GPR153: variants seen among roughly 807,000 people sequenced by gnomAD.
The protein encoded by GPR153 is probable G protein-coupled receptor 153.
GPR153 carries 27 observed loss-of-function variants against 34.1 expected under a neutral mutation model. The observed-to-expected ratio is 0.79, with a 90% confidence interval of 0.58 to 1.09. GPR153 has a LOEUF of 1.09. GPR153 is among the 50% of genes least tolerant of loss of function. GPR153 has a pLI of 0.00. For synonymous variants in GPR153, 408 were observed against 405.4 expected, an observed-to-expected ratio of 1.01 and a Z score of -0.08; for missense variants, 848 against 860.2, an observed-to-expected ratio of 0.99 and a Z score of 0.18.
chr1:6,249,588 G>A lies in GPR153; in HGVS notation c.1580C>T (p.Ala527Val), dbSNP rs1305131648. 6 of 1,161,846 alleles carry A rather than the reference G, an allele frequency of 5.2e-6. No homozygotes were observed. In the Admixed American group the frequency reaches 1.4e-4, roughly 27 times the overall value. The allele number at this position is 1,161,846 out of a possible 1,614,324, so 72.0% of individuals were successfully genotyped here. A position where few individuals can be genotyped will look rare whatever the true frequency, so the allele number is the denominator to read the frequency against. ...TCCGGGATCTGCGCCGTCGGGGGCG[G>A]CGGGCGCAGCGGGGAAGGGCCCGGG... ...RPPGPFPAAP[A>V]APDGADPGEA... The change falls in exon 6 of 6, where the codon GCC becomes GTC. Residue 527 changes from alanine (A) to valine (V), a missense_variant. Physicochemically the swap from Ala to Val is moderately conservative, Grantham distance 64 (BLOSUM62 0). Transcript: ENST00000377893. The surrounding 1 kb of genome is among the most constrained non-coding windows in gnomAD (Gnocchi z 4.3).
In GPR153 at chr1:6,260,382, C is replaced by CG. The variant is rs1283070888; in HGVS notation, c.-110+442_-110+443insC. ...CAACCCCCTGGGGCTCCGATCCCCC[C>CG]CCCCCCCCGCAATCCCCGCTCCGAC... On this transcript the variant is annotated intron_variant, in intron 1 of 5. Transcript: ENST00000377893. 5.0e-4 allele frequency among the ~76,000 whole-genome samples: 28 copies of CG among 55,706 alleles called. 4 individuals are homozygous for CG. Among genetic ancestry groups the CG allele is most frequent in the African/African-American group, 1.7e-3 (22 of 12,656 alleles). The allele number at this position is 55,706 out of a possible 152,430, so 36.5% of individuals were successfully genotyped here.
chr1:6,256,261 A>T (rs933656554), intron 1 of GPR153, among the ~76,000 whole-genome samples: 4 of 152,198 alleles, frequency 2.6e-5, no homozygotes, highest in Non-Finnish European at 5.9e-5. Context: ...TTTGAAGCAC[A>T]GACCAGGCCT....
chr1:6,248,333 G>C lies in GPR153; in HGVS notation c.*1005C>G, dbSNP rs1284361769. On this transcript the variant is annotated 3_prime_UTR_variant, in exon 6 of 6. Coordinates refer to ENST00000377893, the MANE Select transcript of GPR153 (RefSeq NM_207370.4). ...TTCCTGGCCAGGCCTGCACGGGTGG[G>C]GAGTGAGGCTGGGGATGACGCAGGG... 1 of 152,328 alleles carries C rather than the reference G, an allele frequency of 6.6e-6. No individual in the cohort carries two copies. The highest frequency in any genetic ancestry group is 1.5e-5 in the Non-Finnish European group (1 of 68,146). 9.4% of individuals were successfully genotyped at this position (152,328 alleles called of 1,614,324 possible).
At chr1:6,254,465 C>A (rs1055030618) in intron 2 of GPR153, 85 bp downstream of exon 2, 29 of 1,248,600 alleles carry the variant, frequency 2.3e-5, no homozygotes, top group Non-Finnish European at 3.1e-5. Context: ...TGTGGCCACT[C>A]CTGTGTGCGC....
rs1883608 is a variant in GPR153, at chr1:6,249,259, C to G, written c.*79G>C. ...GGGTGGCGCATGTCTGCGCGCGGGG[C>G]GGAGGCGGGCGTCTTTGGTGCTGCG... On this transcript the variant is annotated 3_prime_UTR_variant, in exon 6 of 6. Transcript: ENST00000377893. The surrounding 1 kb of genome is among the most constrained non-coding windows in gnomAD (Gnocchi z 4.3). The G allele has an allele frequency of 0.65, 680,522 of 1,041,504 alleles. 227,055 individuals carry two copies. Among genetic ancestry groups the G allele is most frequent in the Admixed American group, 0.72 (16,590 of 23,054 alleles). The allele number at this position is 1,041,504 out of a possible 1,614,324, so 64.5% of individuals were successfully genotyped here.
intron 1 of GPR153, among the ~76,000 whole-genome samples, chr1:6,256,418 T>G (rs1309279785): frequency 1.3e-5 from 2 of 151,172 alleles, no homozygotes; most frequent in Non-Finnish European, 1.5e-5. Flanking sequence ...TCGCCCAGGC[T>G]GGAGTGCAGT....
In GPR153 at chr1:6,254,140, T is replaced by C. The variant is rs778721018; in HGVS notation, c.364A>G (p.Asn122Asp). The C allele has an allele frequency of 3.1e-6, 5 of 1,606,096 alleles. No homozygotes were observed. Among genetic ancestry groups the C allele is most frequent in the Non-Finnish European group, 4.3e-6 (5 of 1,174,106 alleles). Reference sequence around the variant, plus strand: ...GTGTGCACCGCCTGCTTCTTGGCATTGCTCAGCCTGGCATGAGGCAGGGTG... The same window carrying C: ...GTGTGCACCGCCTGCTTCTTGGCATCGCTCAGCCTGGCATGAGGCAGGGTG... ...VCWPVNYRLS[N>D]AKKQAVHTVM... Residue 122 changes from asparagine to aspartate, a missense_variant, in exon 3 of 6, where the codon AAT (asparagine) becomes GAT (aspartate). By Grantham distance (23) the Asn-to-Asp change is conservative. Coordinates refer to ENST00000377893, the MANE Select transcript of GPR153 (RefSeq NM_207370.4).
At position 6,249,903 on chromosome 1, in the gene GPR153, GC is replaced by G; in HGVS notation, c.1264del (p.Ala422ProfsTer84). On this transcript the variant is annotated frameshift_variant, in exon 6 of 6. Coordinates refer to ENST00000377893, the MANE Select transcript of GPR153 (RefSeq NM_207370.4). LOFTEE classifies it low-confidence loss of function (END_TRUNC). The surrounding 1 kb of genome is among the most constrained non-coding windows in gnomAD (Gnocchi z 4.3). ...AGGCAGCACCAGGTGCGCCAGGGCGGCCAGGTCCTCGCCGGAGCCCCAGCGC... is the reference window on the plus strand; with the variant it reads ...AGGCAGCACCAGGTGCGCCAGGGCGGCAGGTCCTCGCCGGAGCCCCAGCGC... The part of the protein sequence containing the change: ...LPRWGSGEDL[A>X]ALAHLVLPAG... The G allele has an allele frequency of 7.7e-7, 1 of 1,293,618 alleles. No homozygotes were observed. The highest frequency in any genetic ancestry group is 9.8e-7 in the Non-Finnish European group (1 of 1,017,230). 80.1% of individuals were successfully genotyped at this position (1,293,618 alleles called of 1,614,324 possible). A position where few individuals can be genotyped will look rare whatever the true frequency, so the allele number is the denominator to read the frequency against.
intron 3 of GPR153, among the ~76,000 whole-genome samples, chr1:6,253,327 C>G (rs1272167544): frequency 6.6e-6 from 1 of 152,184 alleles, no homozygotes; most frequent in Non-Finnish European, 1.5e-5. Context: ...ACCCAGGAGG[C>G]AGAGGTTGCA....
intron 1 of GPR153, among the ~76,000 whole-genome samples, chr1:6,259,050 C>G (rs577697527): frequency 6.6e-6 from 1 of 152,296 alleles, no homozygotes; most frequent in South Asian, 2.1e-4. Flanking sequence ...GGCTTGAGCC[C>G]GGGAGTTCGA....
Position 6,248,278 on chromosome 1 carries a change from T to A in GPR153, c.*1060A>T, listed in dbSNP as rs1261403304. On this transcript the variant is annotated 3_prime_UTR_variant, in exon 6 of 6. Transcript: ENST00000377893. ...GCCTGCCCGGGACCAGGCCTTGAGC[T>A]GAGAACCTGGAAGCCCCTGCCAGGA... 6.6e-6 allele frequency: 1 copy of A among 152,382 alleles called. No individual in the cohort carries two copies. Among genetic ancestry groups the A allele is most frequent in the Non-Finnish European group, 1.5e-5 (1 of 68,130 alleles). The allele number at this position is 152,382 out of a possible 1,614,324, so 9.4% of individuals were successfully genotyped here.
rs1433436393 is a variant in GPR153, at chr1:6,247,758, G to C, written c.*1580C>G. On this transcript the variant is annotated 3_prime_UTR_variant, in exon 6 of 6. Coordinates refer to ENST00000377893, the MANE Select transcript of GPR153 (RefSeq NM_207370.4). ...GCCCCTACGTAACTTGTCAGTCCTT[G>C]AAGGCACAGCAGCATTGGCCAGAGA... 1 of 152,292 alleles carries C rather than the reference G, an allele frequency of 6.6e-6. No individual in the cohort carries two copies. The highest frequency in any genetic ancestry group is 6.5e-5 in the Admixed American group (1 of 15,286). 9.4% of individuals were successfully genotyped at this position (152,292 alleles called of 1,614,324 possible). A position where few individuals can be genotyped will look rare whatever the true frequency, so the allele number is the denominator to read the frequency against.
chr1:6,251,956 C>T lies in GPR153; in HGVS notation c.787-426G>A, dbSNP rs4908542. Among the ~76,000 whole-genome samples, 89,904 of 151,980 alleles carry T rather than the reference C, an allele frequency of 0.59. 28,870 individuals are homozygous for T. Among genetic ancestry groups the T allele is most frequent in the Admixed American group, 0.71 (10,913 of 15,274 alleles). On this transcript the variant is annotated intron_variant, in intron 3 of 5. Transcript: ENST00000377893. This position sits in a 1 kb window ranked among gnomAD's most constrained non-coding sequence, Gnocchi z 4.9. Reference sequence around the variant, plus strand: ...GATTACGGGTATGAATCACTGTGCCCGGCTGCCATCCCCTTTTTGAGATGA... The same window carrying T: ...GATTACGGGTATGAATCACTGTGCCTGGCTGCCATCCCCTTTTTGAGATGA...
At position 6,249,202 on chromosome 1, in the gene GPR153, C is replaced by G; in HGVS notation, c.*136G>C. 1.6e-6 allele frequency: 1 copy of G among 623,392 alleles called. No homozygotes were observed. Among genetic ancestry groups the G allele is most frequent in the Admixed American group, 4.4e-5 (1 of 22,476 alleles). The allele number at this position is 623,392 out of a possible 1,614,324, so 38.6% of individuals were successfully genotyped here. A position where few individuals can be genotyped will look rare whatever the true frequency, so the allele number is the denominator to read the frequency against. On this transcript the variant is annotated 3_prime_UTR_variant, in exon 6 of 6. Transcript: ENST00000377893. This position sits in a 1 kb window ranked among gnomAD's most constrained non-coding sequence, Gnocchi z 4.3. ...CAGCTGGGAGGAGCCGGAAGACAAACGCTGAGGCCAACGCCCCCTCACCCC... is the reference window on the plus strand; with the variant it reads ...CAGCTGGGAGGAGCCGGAAGACAAAGGCTGAGGCCAACGCCCCCTCACCCC...
In GPR153 at chr1:6,249,433, C is replaced by CCGCCGCG; in HGVS notation, c.1728_1734dup (p.Gly579ArgfsTer129). The CCGCCGCG allele has an allele frequency of 7.3e-7, 1 of 1,366,826 alleles. No individual in the cohort carries two copies. Among genetic ancestry groups the CCGCCGCG allele is most frequent in the East Asian group, 3.1e-5 (1 of 32,424 alleles). The allele number at this position is 1,366,826 out of a possible 1,614,324, so 84.7% of individuals were successfully genotyped here. A position where few individuals can be genotyped will look rare whatever the true frequency, so the allele number is the denominator to read the frequency against. ...AAGCTGCTGGTGCTGCCGCCGCCGCCCGCCGCGCGCAGCCCCCCGGGCTCG... is the reference window on the plus strand; with the variant it reads ...AAGCTGCTGGTGCTGCCGCCGCCGCCCGCCGCGCGCCGCGCGCAGCCCCCCGGGCTCG... On this transcript the variant is annotated frameshift_variant, in exon 6 of 6. Coordinates refer to ENST00000377893, the MANE Select transcript of GPR153 (RefSeq NM_207370.4). LOFTEE classifies it high-confidence loss of function. The surrounding 1 kb of genome is among the most constrained non-coding windows in gnomAD (Gnocchi z 4.3).
intron 1 of GPR153, among the ~76,000 whole-genome samples, chr1:6,255,284 C>T (rs969599389): frequency 9.9e-5 from 15 of 151,504 alleles, no homozygotes; most frequent in African/African-American, 3.4e-4. Flanking sequence ...CTGCAAGCTC[C>T]GCTTCCCGGG....
Position 6,255,026 on chromosome 1 carries a change from T to C in GPR153, c.-109-12A>G. The C allele has an allele frequency of 1.5e-6, 1 of 652,394 alleles. No homozygotes were observed. Among genetic ancestry groups the C allele is most frequent in the Admixed American group, 3.4e-5 (1 of 29,194 alleles). 40.4% of individuals were successfully genotyped at this position (652,394 alleles called of 1,614,324 possible). The stretch of plus-strand genomic sequence containing the variant: ...GGGACCACGAGCATCTGTGGGGGGG[T>C]GGCAGTGGGCACTCAGTGACTTCCT... On this transcript the variant is annotated splice_polypyrimidine_tract_variant and intron_variant, in intron 1 of 5. Transcript: ENST00000377893.
intron 2 of GPR153, 107 bp downstream of exon 2, chr1:6,254,443 G>T: frequency 9.5e-7 from 1 of 1,053,774 alleles, no homozygotes; most frequent in Non-Finnish European, 1.4e-6. Context: ...TGCCCTCCCA[G>T]CATGCCACAG....
intron 1 of GPR153, among the ~76,000 whole-genome samples, chr1:6,259,284 T>G (rs1455163761): frequency 2.6e-5 from 4 of 152,174 alleles, no homozygotes; most frequent in African/African-American, 7.2e-5. Context: ...GCTCTAGGTC[T>G]GTGGGCAGGG....
Sources: gnomAD v4.1 joint callset for allele counts (sites outside exome capture counted in the v4.1 genomes callset) on GRCh38, gnomAD v4.1.1 for gene constraint, Gnocchi (gnomAD v3.1) non-coding constraint, MANE v1.5 for transcripts, NCBI Gene and HGNC (gene_info 2026-07-23, HGNC 2026-07-21) for gene names.